FGF14: variants seen among roughly 807,000 people sequenced by gnomAD.
FGF14 encodes the protein fibroblast growth factor 14, also known as fibroblast growth factor homologous factor 4.
FGF14 carries 5 observed loss-of-function variants against 25.5 expected under a neutral mutation model. The observed-to-expected ratio is 0.20, with a 90% confidence interval of 0.10 to 0.41. The LOEUF is 0.41. FGF14 is among the 10% of genes least tolerant of loss of function. FGF14 has a pLI of 1.00. For missense variants in FGF14, 222 were observed against 320.1 expected, an observed-to-expected ratio of 0.69 and a Z score of 2.34; for synonymous variants, 138 against 118.3, an observed-to-expected ratio of 1.17 and a Z score of -1.08.
intron 1 of FGF14, among the ~76,000 whole-genome samples, chr13:102,284,587 A>C (rs970420559): frequency 2.0e-5 from 3 of 152,178 alleles, no homozygotes; most frequent in Non-Finnish European, 2.9e-5. Context: ...ATTTTAAGAA[A>C]TTTACAATAT....
At chr13:102,382,020 A>T (rs1316101473) in intron 1 of FGF14, among the ~76,000 whole-genome samples, 7 of 152,172 alleles carry the variant, frequency 4.6e-5, no homozygotes, top group Non-Finnish European at 1.0e-4. Context: ...GACCTATATA[A>T]GGGCTAAAAC....
chr13:101,813,527 C>T (rs938464056), intron 3 of FGF14, among the ~76,000 whole-genome samples: 1 of 152,180 alleles, frequency 6.6e-6, no homozygotes, highest in Non-Finnish European at 1.5e-5. Context: ...TGATCTTGAA[C>T]TTCCCAGCCC....
chr13:102,088,882 C>G (rs749298480), intron 1 of FGF14, among the ~76,000 whole-genome samples: 3 of 152,018 alleles, frequency 2.0e-5, no homozygotes, highest in Non-Finnish European at 4.4e-5. Flanking sequence ...CTGAAAGTTA[C>G]CGTATAAAGT....
intron 1 of FGF14, among the ~76,000 whole-genome samples, chr13:102,245,373 G>A (rs949691181): frequency 2.0e-5 from 3 of 152,040 alleles, no homozygotes; most frequent in East Asian, 1.9e-4. Context: ...AAGTATTTAC[G>A]ATGAGTCTTT....
chr13:102,083,432 T>A (rs1566662833), intron 1 of FGF14, among the ~76,000 whole-genome samples: 1 of 151,976 alleles, frequency 6.6e-6, no homozygotes, highest in African/African-American at 2.4e-5. Context: ...GGTTTTTTTT[T>A]AAAATTAACC....
chr13:102,302,862 G>A (rs1210493130), intron 1 of FGF14, among the ~76,000 whole-genome samples: 1 of 151,960 alleles, frequency 6.6e-6, no homozygotes, highest in Non-Finnish European at 1.5e-5. Context: ...TCTAAATCTG[G>A]CCCCTGCCAT....
At chr13:101,853,334 G>T (rs930361107) in intron 3 of FGF14, among the ~76,000 whole-genome samples, 1 of 152,076 alleles carries the variant, frequency 6.6e-6, no homozygotes. Context: ...ACTGAAAGAA[G>T]CAACTTTGAC....
chr13:102,195,791 C>CA (rs1161228618), intron 1 of FGF14, among the ~76,000 whole-genome samples: 4,785 of 59,468 alleles, frequency 0.08, 320 homozygotes, highest in African/African-American at 0.22. Flanking sequence ...GACCCAGTCT[C>CA]AAAAAAAAAA....
intron 1 of FGF14, among the ~76,000 whole-genome samples, chr13:102,323,890 C>G (rs977397152): frequency 6.6e-6 from 1 of 151,450 alleles, no homozygotes; most frequent in Non-Finnish European, 1.5e-5. Flanking sequence ...TTTCATTAAG[C>G]CTTCAAACCA....
chr13:102,084,231 C>G lies in FGF14; in HGVS notation c.209-208935G>C, dbSNP rs532930939. Among the ~76,000 whole-genome samples the G allele has an allele frequency of 5.9e-5, 9 of 152,084 alleles. No homozygotes were observed. The South Asian group carries it at 1.9e-3, about 32-fold the overall frequency. On this transcript the variant is annotated intron_variant, in intron 1 of 4. Transcript: ENST00000376131. The stretch of plus-strand genomic sequence containing the variant: ...CATTTCCTAACCTCTAACTCTGTTT[C>G]TTTATTTTTCTTTTGCACTCATGAT...
chr13:102,080,485 C>T (rs550150978), intron 1 of FGF14, among the ~76,000 whole-genome samples: 4 of 152,298 alleles, frequency 2.6e-5, no homozygotes, highest in Admixed American at 6.5e-5. Context: ...CACCCTTTGA[C>T]TGCTGGCTCT....
chr13:102,153,126 C>CA (rs1158690067), intron 1 of FGF14, among the ~76,000 whole-genome samples: 2 of 152,150 alleles, frequency 1.3e-5, no homozygotes, highest in Non-Finnish European at 2.9e-5. Context: ...TCAAATAGGA[C>CA]AGAGCTTTTG....
chr13:102,190,185 C>T (rs1283476922), intron 1 of FGF14, among the ~76,000 whole-genome samples: 1 of 152,166 alleles, frequency 6.6e-6, no homozygotes, highest in Non-Finnish European at 1.5e-5. Context: ...AGCAACCTTC[C>T]CTCATACCTC....
chr13:101,916,669 GGAGGGAGGGCGCGGGAGGAC>G lies in FGF14; in HGVS notation c.-44_-25del. The G allele has an allele frequency of 6.7e-7, 1 of 1,499,148 alleles. No homozygotes were observed. Among genetic ancestry groups the G allele is most frequent in the Non-Finnish European group, 8.9e-7 (1 of 1,122,682 alleles). The allele number at this position is 1,499,148 out of a possible 1,614,324, so 92.9% of individuals were successfully genotyped here. The stretch of plus-strand genomic sequence containing the variant: ...ATGGTGGCCCCGGGAACGGGTCCGG[GGAGGGAGGGCGCGGGAGGAC>G]GGCGAGCCGGGGGCACCGGAGGGGA... On this transcript the variant is annotated 5_prime_UTR_variant, in exon 1 of 5. Coordinates refer to ENST00000376143, the MANE Select transcript of FGF14 (RefSeq NM_004115.4).
In FGF14 at chr13:102,255,385, C is replaced by T. The variant is rs181712030; in HGVS notation, c.208+146086G>A. On this transcript the variant is annotated intron_variant, in intron 1 of 4. Transcript: ENST00000376131. Reference sequence around the variant, plus strand: ...ATAGCATTTTTACCCAAAGAAATAACATCCATTTGCCTTTGCTTTTTACAT... The same window carrying T: ...ATAGCATTTTTACCCAAAGAAATAATATCCATTTGCCTTTGCTTTTTACAT... 1.1e-3 allele frequency among the ~76,000 whole-genome samples: 175 copies of T among 152,212 alleles called. 2 individuals are homozygous for T. Among genetic ancestry groups the T allele is most frequent in the African/African-American group, 3.8e-3 (158 of 41,532 alleles).
At chr13:101,928,846 A>ATCC (rs35416666) in intron 1 of FGF14, among the ~76,000 whole-genome samples, 76,216 of 151,484 alleles carry the variant, frequency 0.5, 21,899 homozygotes, top group African/African-American at 0.78. Flanking sequence ...GAACATGGCT[A>ATCC]TCTCTCTTTT....
intron 3 of FGF14, among the ~76,000 whole-genome samples, chr13:101,840,905 C>T (rs557976450): frequency 1.3e-5 from 2 of 151,990 alleles, no homozygotes; most frequent in East Asian, 1.9e-4. Flanking sequence ...TACAAAGATG[C>T]CATTATCGGG....
chr13:102,061,877 A>G (rs1245910555), intron 1 of FGF14, among the ~76,000 whole-genome samples: 1 of 152,222 alleles, frequency 6.6e-6, no homozygotes, highest in Non-Finnish European at 1.5e-5. Context: ...TTCACGTAAC[A>G]TCCTCCATGA....
chr13:101,896,338 G>A (rs1322688), intron 1 of FGF14, among the ~76,000 whole-genome samples: 51,525 of 151,852 alleles, frequency 0.34, 9,802 homozygotes, highest in African/African-American at 0.49. Context: ...TTTGCATTGC[G>A]TTTGCCTGAA....
Sources: allele counts gnomAD v4.1 joint callset (sites outside exome capture counted in the v4.1 genomes callset), GRCh38; gene constraint gnomAD v4.1.1; transcripts MANE v1.5; gene names NCBI Gene and HGNC (gene_info 2026-07-23, HGNC 2026-07-21).